TRDN: variants seen among roughly 807,000 people sequenced by gnomAD.
TRDN encodes triadin in skeletal muscle.
TRDN carries 161 observed loss-of-function variants against 149.7 expected under a neutral mutation model. The ratio of observed to expected loss-of-function variants is 1.08; its 90% CI spans 0.95 to 1.23. TRDN has a LOEUF of 1.23. Ranked by LOEUF, TRDN falls within the 50% of genes most tolerant of loss-of-function variation. TRDN has a pLI of 0.00. For synonymous variants in TRDN, 294 were observed against 250.5 expected, an observed-to-expected ratio of 1.17 and a Z score of -1.64; for missense variants, 896 against 823.5, an observed-to-expected ratio of 1.09 and a Z score of -1.08.
At chr6:123,527,464 T>C (rs542983882) in intron 5 of TRDN, among the ~76,000 whole-genome samples, 120 of 152,116 alleles carry the variant, frequency 7.9e-4, no homozygotes, top group Middle Eastern at 3.4e-3. Context: ...TAGTTTTAAA[T>C]ATGATTATAT....
At chr6:123,529,423 G>A (rs1780116846) in intron 5 of TRDN, 3 of 1,362,112 alleles carry the variant, frequency 2.2e-6, no homozygotes, top group Non-Finnish European at 3.1e-6. Context: ...AGAATTGGCT[G>A]ACCAATCTAG....
intron 4 of TRDN, among the ~76,000 whole-genome samples, chr6:123,545,037 T>A (rs1781044737): frequency 6.6e-6 from 1 of 151,906 alleles, no homozygotes; most frequent in Middle Eastern, 3.2e-3. Context: ...CAAATAAAAC[T>A]AAGTGTATTC....
chr6:123,310,909 T>C (rs2114688469), intron 24 of TRDN, among the ~76,000 whole-genome samples: 1 of 152,116 alleles, frequency 6.6e-6, no homozygotes, highest in Non-Finnish European at 1.5e-5. Context: ...AACTCTACTG[T>C]TCTGTGCAAA....
At chr6:123,407,374 C>G (rs1379045821) in intron 12 of TRDN, among the ~76,000 whole-genome samples, 1 of 152,190 alleles carries the variant, frequency 6.6e-6, no homozygotes, top group African/African-American at 2.4e-5. Flanking sequence ...TCTTCACAGT[C>G]AACCACTTTT....
chr6:123,570,959 C>A lies in TRDN; in HGVS notation c.196G>T (p.Val66Phe), dbSNP rs372169818. The change falls in exon 2 of 41, where the codon GTT becomes TTT. Residue 66 changes from valine (V) to phenylalanine (F), a missense_variant. Physicochemically the swap from Val to Phe is conservative, Grantham distance 50 (BLOSUM62 -1). Coordinates refer to ENST00000334268, the MANE Select transcript of TRDN (RefSeq NM_006073.4). ...TTGTAATCCACTAAATCAAACATAA[C>A]GATGGCAACAGCTGACCACGTGATT... is the stretch of plus-strand genomic sequence containing the variant. ...LIITWSAVAI[V>F]MFDLVDYKNF... is the part of the protein sequence containing the mutation. 4.1e-5 allele frequency: 66 copies of A among 1,613,728 alleles called. No individual in the cohort carries two copies. Among genetic ancestry groups the A allele is most frequent in the Non-Finnish European group, 5.5e-5 (65 of 1,179,852 alleles).
chr6:123,248,314 T>C (rs1776254992), intron 38 of TRDN, among the ~76,000 whole-genome samples: 1 of 152,130 alleles, frequency 6.6e-6, no homozygotes, highest in Non-Finnish European at 1.5e-5. Context: ...CCCAGCACTT[T>C]GGGAGGCTGA....
At chr6:123,231,041 C>A (rs752109070) in intron 38 of TRDN, among the ~76,000 whole-genome samples, 3 of 151,950 alleles carry the variant, frequency 2.0e-5, no homozygotes, top group Non-Finnish European at 4.4e-5. Context: ...TTGAAAAGAA[C>A]TTCCCTGCAG....
chr6:123,408,576 G>A (rs1773292336), intron 12 of TRDN, among the ~76,000 whole-genome samples: 1 of 151,816 alleles, frequency 6.6e-6, no homozygotes, highest in East Asian at 1.9e-4. Flanking sequence ...TACTCAGGAG[G>A]CTGAGGCAGG....
rs373411400 is a variant in TRDN at position 123,377,809 on chromosome 6, T to C, written c.1219+57A>G. ...CATTCAATTGTAATTCAGTATTCAA[T>C]TGCAAATCAAATAATATTATGAAAT... On this transcript the variant is annotated intron_variant, in intron 17 of 40. Coordinates refer to ENST00000334268, the MANE Select transcript of TRDN (RefSeq NM_006073.4). 5.0e-6 allele frequency: 8 copies of C among 1,605,764 alleles called. No individual in the cohort carries two copies. In the African/African-American group the frequency reaches 5.4e-5, roughly 11 times the overall value.
rs192957333 is a variant in TRDN at position 123,555,024 on chromosome 6, G to A, written c.233-6412C>T. Among the ~76,000 whole-genome samples, 393 of 152,248 alleles carry A rather than the reference G, an allele frequency of 2.6e-3. 1 individual carries two copies. The highest frequency in any genetic ancestry group is 5.0e-3 in the Non-Finnish European group (338 of 68,006). ...ATTTAATAGTCTTCTGAGACTTTGG[G>A]TCCTGGAGTTTTCAGCATCAACAAT... is the stretch of plus-strand genomic sequence containing the variant. On this transcript the variant is annotated intron_variant, in intron 2 of 40. Transcript: ENST00000334268.
intron 4 of TRDN, among the ~76,000 whole-genome samples, chr6:123,543,391 T>C (rs1780946988): frequency 1.3e-5 from 2 of 152,134 alleles, no homozygotes; most frequent in African/African-American, 2.4e-5. Context: ...AAAAGATTAA[T>C]TGAAAAAAAT....
intron 1 of TRDN, among the ~76,000 whole-genome samples, chr6:123,635,961 A>G (rs562585072): frequency 6.6e-6 from 1 of 151,972 alleles, no homozygotes. Context: ...CAAATAGAAG[A>G]TATGTATTAT....
At position 123,636,807 on chromosome 6, in the gene TRDN, A is replaced by G. The variant is rs1215454437; in HGVS notation, c.-32T>C. The G allele has an allele frequency of 1.9e-6, 3 of 1,611,186 alleles. No individual in the cohort carries two copies. The highest frequency in any genetic ancestry group is 1.7e-6 in the Non-Finnish European group (2 of 1,178,220). Reference sequence around the variant, plus strand: ...CGTCAAAAGTAAAAGTCAGTTGAAAAGTTCCCGTCAAGTTGCACTTTGCAG... The same window carrying G: ...CGTCAAAAGTAAAAGTCAGTTGAAAGGTTCCCGTCAAGTTGCACTTTGCAG... On this transcript the variant is annotated 5_prime_UTR_variant, in exon 1 of 41. Coordinates refer to ENST00000334268, the MANE Select transcript of TRDN (RefSeq NM_006073.4).
chr6:123,511,686 A>G (rs1779189187), intron 7 of TRDN, among the ~76,000 whole-genome samples: 1 of 152,184 alleles, frequency 6.6e-6, no homozygotes, highest in African/African-American at 2.4e-5. Flanking sequence ...GTGTTGGCTC[A>G]GCATGGCTCT....
intron 12 of TRDN, among the ~76,000 whole-genome samples, chr6:123,399,883 T>C (rs1465544962): frequency 6.6e-6 from 1 of 152,154 alleles, no homozygotes; most frequent in Non-Finnish European, 1.5e-5. Context: ...GCAAGCATTC[T>C]GACCAACAAA....
Position 123,548,592 on chromosome 6 carries a change from C to T in TRDN, c.253G>A (p.Gly85Ser), listed in dbSNP as rs1583224775. The T allele has an allele frequency of 1.4e-6, 2 of 1,465,800 alleles. No homozygotes were observed. The highest frequency in any genetic ancestry group is 2.6e-5 in the East Asian group (1 of 38,972). The allele number at this position is 1,465,800 out of a possible 1,614,324, so 90.8% of individuals were successfully genotyped here. ...NFSASSIAKI[G>S]SDPLKLVRDA... is the part of the protein sequence containing the mutation. ...CGTACCAGTTTTAAAGGATCTGAGCCAATCTTGGCAATAGAGCTTGCTAAA... is the reference window on the plus strand; with the variant it reads ...CGTACCAGTTTTAAAGGATCTGAGCTAATCTTGGCAATAGAGCTTGCTAAA... The change falls in exon 3 of 41, where the codon GGC becomes AGC. Residue 85 changes from glycine to serine, a missense_variant. Coordinates refer to ENST00000334268, the MANE Select transcript of TRDN (RefSeq NM_006073.4).
intron 24 of TRDN, among the ~76,000 whole-genome samples, chr6:123,291,560 G>A (rs545285465): frequency 8.5e-4 from 129 of 152,072 alleles, no homozygotes; most frequent in Middle Eastern, 6.8e-3. Context: ...GTGAGACTCC[G>A]TCACACAAAA....
intron 37 of TRDN, 56 bp downstream of exon 37, chr6:123,255,022 GCAA>G (rs1241098666): frequency 1.4e-5 from 13 of 943,738 alleles, no homozygotes; most frequent in Non-Finnish European, 1.9e-5. Context: ...TTAATATTAA[GCAA>G]CAACATAATT....
Position 123,218,826 on chromosome 6 carries a change from G to A in TRDN, c.2051-86C>T, listed in dbSNP as rs562282172. 2.1e-6 allele frequency: 3 copies of A among 1,398,804 alleles called. No individual in the cohort carries two copies. The East Asian group carries it at 7.7e-5, about 36-fold the overall frequency. 86.6% of individuals were successfully genotyped at this position (1,398,804 alleles called of 1,614,324 possible). A position where few individuals can be genotyped will look rare whatever the true frequency, so the allele number is the denominator to read the frequency against. ...GAGGCAGTGCAGTGCAGCAGATAAG[G>A]TCACAGATTCTGCCAGCAGCCTCCG... is the stretch of plus-strand genomic sequence containing the variant. On this transcript the variant is annotated intron_variant, in intron 40 of 40. Coordinates refer to ENST00000334268, the MANE Select transcript of TRDN (RefSeq NM_006073.4).
Sources: gnomAD v4.1 joint callset for allele counts (sites outside exome capture counted in the v4.1 genomes callset) on GRCh38, gnomAD v4.1.1 for gene constraint, MANE v1.5 for transcripts, NCBI Gene and HGNC (gene_info 2026-07-23, HGNC 2026-07-21) for gene names.